The following NF1 variants were observed in gnomAD, a reference collection of about 807,000 sequenced individuals.
NF1 encodes the protein neurofibromin.
NF1 carries 122 observed loss-of-function variants against 325.7 expected under a neutral mutation model. The observed-to-expected ratio is 0.37, with a 90% CI of 0.32 to 0.44. The LOEUF is 0.44. NF1 is among the 20% of genes least tolerant of loss of function. The pLI is 1.00. For synonymous variants in NF1, 1,091 were observed against 1,186.0 expected (o/e 0.92, Z 1.65); for missense variants, 2,140 against 3,415.4 (o/e 0.63, Z 9.31).
chr17:31,306,401 G>C (rs955065166), intron 36 of NF1, among the ~76,000 whole-genome samples: 6 of 151,830 alleles, frequency 4.0e-5, no homozygotes, highest in Admixed American at 1.3e-4. Flanking sequence ...TATATATATA[G>C]ATAGATAGAC....
chr17:31,222,149 A>T (rs1463226862), intron 15 of NF1: 30 of 1,266,558 alleles, frequency 2.4e-5, no homozygotes, highest in Non-Finnish European at 2.9e-5. Flanking sequence ...AATAGTGCTA[A>T]ATTTTGTCAC....
intron 36 of NF1, among the ~76,000 whole-genome samples, chr17:31,275,707 G>A (rs181985558): frequency 8.1e-4 from 123 of 152,296 alleles, no homozygotes; most frequent in Admixed American, 7.7e-3. Flanking sequence ...CTCCACTCAT[G>A]TCAGCACCTT....
intron 47 of NF1, among the ~76,000 whole-genome samples, chr17:31,341,396 C>A (rs1468666059): frequency 1.3e-5 from 2 of 151,956 alleles, no homozygotes; most frequent in African/African-American, 4.8e-5. Flanking sequence ...TGGTGGCATG[C>A]ACCTACAATC....
chr17:31,168,039 A>C (rs953540793), intron 4 of NF1, among the ~76,000 whole-genome samples: 1 of 152,210 alleles, frequency 6.6e-6, no homozygotes, highest in Non-Finnish European at 1.5e-5. Flanking sequence ...TCAAAAATCT[A>C]GTTGATAAAA....
chr17:31,330,969 G>T (rs1294263364), intron 39 of NF1: 1 of 153,422 alleles, frequency 6.5e-6, no homozygotes, highest in African/African-American at 2.4e-5. Context: ...CCCAGAGTCA[G>T]TTCTGACTTT....
At chr17:31,253,286 A>G (rs2067525307) in intron 31 of NF1, 1 of 340,152 alleles carries the variant, frequency 2.9e-6, no homozygotes, top group Non-Finnish European at 5.6e-6. Flanking sequence ...TAAATTATAA[A>G]TGAATGCAAA....
intron 10 of NF1, 63 bp downstream of exon 10, chr17:31,201,222 G>T (rs1459569961): frequency 1.3e-6 from 2 of 1,595,496 alleles, no homozygotes; most frequent in East Asian, 2.2e-5. Flanking sequence ...TAAACAAAAA[G>T]ACTATAGAGA....
At chr17:31,241,117 A>T (rs1052826537) in intron 29 of NF1, among the ~76,000 whole-genome samples, 1 of 152,046 alleles carries the variant, frequency 6.6e-6, no homozygotes, top group African/African-American at 2.4e-5. Context: ...ACCTCAAGCA[A>T]TCCACCCGCC....
intron 39 of NF1, among the ~76,000 whole-genome samples, chr17:31,332,590 TA>T (rs2069534800): frequency 9.9e-6 from 1 of 100,746 alleles, no homozygotes; most frequent in African/African-American, 2.8e-5. Context: ...TTTTTTTTTT[TA>T]TTATACTCTA....
At chr17:31,239,985 A>T (rs1597726783) in intron 29 of NF1, among the ~76,000 whole-genome samples, 2 of 151,888 alleles carry the variant, frequency 1.3e-5, no homozygotes, top group Admixed American at 6.6e-5. Flanking sequence ...GCTAGTCTTG[A>T]CCTCCTGACT....
At chr17:31,343,445 A>G (rs1278785712) in intron 48 of NF1, among the ~76,000 whole-genome samples, 1 of 152,014 alleles carries the variant, frequency 6.6e-6, no homozygotes, top group African/African-American at 2.4e-5. Context: ...CTTAGGAGGC[A>G]TAGATGGAAG....
In NF1 at chr17:31,374,378, C is replaced by G. The variant is rs2070702394; in HGVS notation, c.*223C>G. ...TTTTTCTTCTACTTTTGGCGTGTAT[C>G]TGGTATATGTAAGTGTTCAGAACAA... On this transcript the variant is annotated 3_prime_UTR_variant, in exon 58 of 58. Transcript: ENST00000358273. 1.7e-6 allele frequency: 1 copy of G among 592,394 alleles called. No individual in the cohort carries two copies. The highest frequency in any genetic ancestry group is 3.0e-6 in the Non-Finnish European group (1 of 335,590). The allele number at this position is 592,394 out of a possible 1,614,324, so 36.7% of individuals were successfully genotyped here. A position where few individuals can be genotyped will look rare whatever the true frequency, so the allele number is the denominator to read the frequency against.
intron 15 of NF1, among the ~76,000 whole-genome samples, chr17:31,223,241 G>C (rs769702757): frequency 2.0e-5 from 3 of 152,044 alleles, no homozygotes; most frequent in Non-Finnish European, 2.9e-5. Context: ...ATAAATACTT[G>C]CTTTTTTTCT....
At position 31,258,195 on chromosome 17, in the gene NF1, T is replaced by C. The variant is rs893183222; in HGVS notation, c.4174-149T>C. The C allele has an allele frequency of 1.1e-5, 9 of 785,666 alleles. No homozygotes were observed. In the African/African-American group the frequency reaches 1.6e-4, roughly 14 times the overall value. 48.7% of individuals were successfully genotyped at this position (785,666 alleles called of 1,614,324 possible). ...TGAGAGGAAACTTTATTTTCTCATG[T>C]TTTGGGAGAAGAAAAAAATAGAAAT... On this transcript the variant is annotated intron_variant, in intron 31 of 57. Transcript: ENST00000358273.
chr17:31,278,829 G>A (rs918949296), intron 36 of NF1, among the ~76,000 whole-genome samples: 1 of 151,934 alleles, frequency 6.6e-6, no homozygotes, highest in African/African-American at 2.4e-5. Context: ...TGGCCAGGCT[G>A]GTCTGGAACT....
intron 36 of NF1, among the ~76,000 whole-genome samples, chr17:31,289,269 T>A (rs2068302041): frequency 6.6e-6 from 1 of 152,166 alleles, no homozygotes; most frequent in Non-Finnish European, 1.5e-5. Flanking sequence ...AGCTGGAAAA[T>A]TTTAAGATGA....
At position 31,261,886 on chromosome 17, in the gene NF1, G is replaced by A. The variant is rs534256015; in HGVS notation, c.4724+29G>A. On this transcript the variant is annotated intron_variant, in intron 35 of 57. Transcript: ENST00000358273. The stretch of plus-strand genomic sequence containing the variant: ...AAGTACAACCTTGAAATAGTTGATT[G>A]CTTTCTTTTTGGTTGAGAAGGAGAG... The A allele has an allele frequency of 2.5e-6, 4 of 1,611,792 alleles. No individual in the cohort carries two copies. The Admixed American group carries it at 5.0e-5, about 20-fold the overall frequency.
chr17:31,341,260 C>A (rs1461344483), intron 47 of NF1, among the ~76,000 whole-genome samples: 1 of 152,078 alleles, frequency 6.6e-6, no homozygotes, highest in Non-Finnish European at 1.5e-5. Flanking sequence ...AGTGGTGGCT[C>A]ATACCTGTAG....
At chr17:31,142,771 G>T (rs1410771017) in intron 1 of NF1, among the ~76,000 whole-genome samples, 2 of 152,022 alleles carry the variant, frequency 1.3e-5, no homozygotes, top group Non-Finnish European at 2.9e-5. Context: ...GGAGGCTGAG[G>T]CAGGAGAATG....
Sources: allele counts gnomAD v4.1 joint callset (sites outside exome capture counted in the v4.1 genomes callset), GRCh38; gene constraint gnomAD v4.1.1; transcripts MANE v1.5; gene names NCBI Gene and HGNC (gene_info 2026-07-23, HGNC 2026-07-21).